Variants in IL12RB1 observed in about 807,000 individuals in gnomAD.
IL12RB1 encodes the protein interleukin-12 receptor subunit beta-1.
IL12RB1 carries 64 observed loss-of-function variants against 94.4 expected under a neutral mutation model. The ratio of observed to expected loss-of-function variants is 0.68; its 90% CI spans 0.55 to 0.83. The LOEUF is 0.83. IL12RB1 is among the 40% of genes least tolerant of loss of function. The probability of loss-of-function intolerance (pLI) is 0.00; values close to 1 mark genes in which losing one functional copy is unlikely to be tolerated. For synonymous variants in IL12RB1, 362 were observed against 355.5 expected (o/e 1.02, Z -0.21); for missense variants, 814 against 855.6 (o/e 0.95, Z 0.61).
chr19:18,077,800 T>C (rs2035596742), intron 4 of IL12RB1, 145 bp from the exon 5 acceptor site: 1 of 698,286 alleles, frequency 1.4e-6, no homozygotes, highest in Admixed American at 2.0e-5. Flanking sequence ...AAGCCTGGTA[T>C]ATTATGATCA....
Position 18,062,274 on chromosome 19 carries a change from A to G in IL12RB1, c.1622T>C (p.Val541Ala). The change falls in exon 14 of 17, where the codon GTG becomes GCG. Residue 541 changes from valine (V) to alanine (A), a missense_variant. Transcript: ENST00000593993. ...WSQPQRFSIEVQVSDWLIFFA... is the reference protein window; with the variant it reads ...WSQPQRFSIEAQVSDWLIFFA... ...GAAGATGAGCCAATCAGAAACCTGC[A>G]CTTCTGAGGTGGGAGAGCGTGGGTT... The G allele has an allele frequency of 1.9e-6, 3 of 1,606,058 alleles. No homozygotes were observed. Among genetic ancestry groups the G allele is most frequent in the Non-Finnish European group, 2.6e-6 (3 of 1,173,792 alleles).
upstream of IL12RB1, among the ~76,000 whole-genome samples, chr19:18,091,052 G>C (rs190924820): frequency 6.6e-6 from 1 of 152,084 alleles, no homozygotes; most frequent in Non-Finnish European, 1.5e-5. Context: ...CTGGGGCCTC[G>C]AGCGCCAGGC....
Position 18,062,245 on chromosome 19 carries a change from C to G in IL12RB1, c.1651G>C (p.Ala551Pro). Residue 551 changes from alanine (A) to proline (P), a missense_variant, in exon 14 of 17, where the codon GCC (alanine) becomes CCC (proline). Coordinates refer to ENST00000593993, the MANE Select transcript of IL12RB1 (RefSeq NM_005535.3). ...VQVSDWLIFF[A>P]SLGSFLSILL... ...ATGCTCAGGAAGCTCCCCAGGGAGGCGAAGAAGATGAGCCAATCAGAAACC... is the reference window on the plus strand; with the variant it reads ...ATGCTCAGGAAGCTCCCCAGGGAGGGGAAGAAGATGAGCCAATCAGAAACC... 1 of 1,612,672 alleles carries G rather than the reference C, an allele frequency of 6.2e-7. No individual in the cohort carries two copies. The highest frequency in any genetic ancestry group is 8.5e-7 in the Non-Finnish European group (1 of 1,179,276).
At position 18,082,153 on chromosome 19, in the gene IL12RB1, C is replaced by T. The variant is rs370818889; in HGVS notation, c.236G>A (p.Cys79Tyr). ...PTAGVSHFLRCCLSSGRCCYF... is the reference protein window; with the variant it reads ...PTAGVSHFLRYCLSSGRCCYF... Reference sequence around the variant, plus strand: ...GGAATGGTAGAGGGGTCCTCACCAACACCGCAGGAAGTGGCTGACCCCAGC... The same window carrying T: ...GGAATGGTAGAGGGGTCCTCACCAATACCGCAGGAAGTGGCTGACCCCAGC... Residue 79 changes from cysteine (C) to tyrosine (Y), a missense_variant, in exon 3 of 17, where the codon TGT becomes TAT. Transcript: ENST00000593993. The T allele has an allele frequency of 3.1e-6, 5 of 1,598,994 alleles. No homozygotes were observed. Among genetic ancestry groups the T allele is most frequent in the Non-Finnish European group, 4.3e-6 (5 of 1,166,598 alleles).
At chr19:18,060,813 C>T (rs996612705) in intron 15 of IL12RB1, among the ~76,000 whole-genome samples, 1 of 152,140 alleles carries the variant, frequency 6.6e-6, no homozygotes, top group Admixed American at 6.6e-5. Flanking sequence ...CTCAGCCTGC[C>T]TGCGGAAGAA....
chr19:18,093,706 T>C (rs955228226), intron 1 of IL12RB1, among the ~76,000 whole-genome samples: 1 of 152,158 alleles, frequency 6.6e-6, no homozygotes, highest in Non-Finnish European at 1.5e-5. Context: ...GAGTCACATG[T>C]CCACCCCAGG....
chr19:18,076,702 C>T (rs1046373215), intron 5 of IL12RB1, among the ~76,000 whole-genome samples: 6 of 152,070 alleles, frequency 3.9e-5, no homozygotes, highest in African/African-American at 9.6e-5. Flanking sequence ...CACCGCACCT[C>T]GCTAAATTTT....
Position 18,069,734 on chromosome 19 carries a change from C to T in IL12RB1, c.1022-21G>A, listed in dbSNP as rs145601417. ...TGGTTCTGGAAGGAGAGGGGAGAGA[C>T]GCATCGAGACAGTTGCCATCTCTCT... On this transcript the variant is annotated intron_variant, in intron 9 of 16. Transcript: ENST00000593993. 7.8e-5 allele frequency: 123 copies of T among 1,580,900 alleles called. No individual in the cohort carries two copies. The African/African-American group carries it at 1.5e-3, about 19-fold the overall frequency.
At chr19:18,062,318 G>T in intron 13 of IL12RB1, 41 bp from the exon 14 acceptor site, 3 of 1,266,584 alleles carry the variant, frequency 2.4e-6, no homozygotes, top group Non-Finnish European at 3.4e-6. Flanking sequence ...GCTACCTCCT[G>T]CCTCTTCCTC....
At chr19:18,067,885 G>A (rs1003419458) in intron 11 of IL12RB1, among the ~76,000 whole-genome samples, 7 of 152,002 alleles carry the variant, frequency 4.6e-5, no homozygotes, top group Admixed American at 1.3e-4. Context: ...CTGTAGAGAC[G>A]GGGTCTTGCT....
chr19:18,064,002 C>T lies in IL12RB1; in HGVS notation c.1492G>A (p.Val498Met), dbSNP rs374771268. 13 of 1,611,726 alleles carry T rather than the reference C, an allele frequency of 8.1e-6. No individual in the cohort carries two copies. Among genetic ancestry groups the T allele is most frequent in the African/African-American group, 1.3e-5 (1 of 74,840 alleles). The change falls in exon 13 of 17, where the codon GTG becomes ATG. Residue 498 changes from valine to methionine, a missense_variant. Transcript: ENST00000593993. ...EDSKQVSEHP[V>M]QPTETQVTLS... Reference sequence around the variant, plus strand: ...GTAACTTGGGTCTCTGTGGGCTGCACGGGATGCTCTGCAGTGGGAGAGGCA... The same window carrying T: ...GTAACTTGGGTCTCTGTGGGCTGCATGGGATGCTCTGCAGTGGGAGAGGCA...
At chr19:18,067,956 A>G (rs2034711882) in intron 11 of IL12RB1, among the ~76,000 whole-genome samples, 1 of 151,430 alleles carries the variant, frequency 6.6e-6, no homozygotes, top group South Asian at 2.1e-4. Context: ...TCAGCCTCCC[A>G]AAGTGCCAAA....
upstream of IL12RB1, among the ~76,000 whole-genome samples, chr19:18,089,801 G>T (rs2036551929): frequency 6.6e-6 from 1 of 152,244 alleles, no homozygotes; most frequent in Non-Finnish European, 1.5e-5. Flanking sequence ...TCAGCTTCCT[G>T]GGAGGAGGTC....
intron 10 of IL12RB1, 63 bp from the exon 11 acceptor site, chr19:18,068,589 A>G: frequency 7.1e-7 from 1 of 1,414,774 alleles, no homozygotes; most frequent in Non-Finnish European, 1.0e-6. Flanking sequence ...GCACCTTTGC[A>G]CTGGCTGTGC....
intron 4 of IL12RB1, among the ~76,000 whole-genome samples, chr19:18,080,205 A>C (rs1198973116): frequency 1.3e-5 from 2 of 151,406 alleles, no homozygotes; most frequent in Admixed American, 1.3e-4. Context: ...GCAGGCATGC[A>C]CCACCACACC....
At chr19:18,066,296 G>A (rs1481625232) in intron 12 of IL12RB1, among the ~76,000 whole-genome samples, 5 of 151,956 alleles carry the variant, frequency 3.3e-5, no homozygotes, top group African/African-American at 1.2e-4. Flanking sequence ...TAGGAGAGAC[G>A]GGGTTTCTCC....
intron 9 of IL12RB1, among the ~76,000 whole-genome samples, chr19:18,070,202 AAT>A (rs1332114689): frequency 6.6e-6 from 1 of 152,138 alleles, no homozygotes; most frequent in African/African-American, 2.4e-5. Context: ...TTACAGGCAT[AAT>A]CCGCCGCATC....
Position 18,070,521 on chromosome 19 carries a change from G to A in IL12RB1, c.1022-808C>T, listed in dbSNP as rs895347240. On this transcript the variant is annotated intron_variant, in intron 9 of 16. Transcript: ENST00000593993. The stretch of plus-strand genomic sequence containing the variant: ...CTCTCCCACTCCCTCCCGCCAGGGC[G>A]TCTTCATGAATGTCAGAGAGATGGA... 1.3e-5 allele frequency: 13 copies of A among 985,196 alleles called. No homozygotes were observed. The East Asian group carries it at 5.7e-4, about 43-fold the overall frequency. 61.0% of individuals were successfully genotyped at this position (985,196 alleles called of 1,614,324 possible). A position where few individuals can be genotyped will look rare whatever the true frequency, so the allele number is the denominator to read the frequency against.
In IL12RB1 at chr19:18,070,541, G is replaced by T. The variant is rs1599489735; in HGVS notation, c.1022-828C>A. The T allele has an allele frequency of 5.1e-6, 5 of 985,356 alleles. No homozygotes were observed. In the African/African-American group the frequency reaches 8.7e-5, roughly 17 times the overall value. 61.0% of individuals were successfully genotyped at this position (985,356 alleles called of 1,614,324 possible). The stretch of plus-strand genomic sequence containing the variant: ...AGGGCGTCTTCATGAATGTCAGAGA[G>T]ATGGATACTGCTTGCAATTCTGGGG... On this transcript the variant is annotated intron_variant, in intron 9 of 16. Transcript: ENST00000593993.
Sources: gnomAD v4.1 joint callset for allele counts (sites outside exome capture counted in the v4.1 genomes callset) on GRCh38, gnomAD v4.1.1 for gene constraint, MANE v1.5 for transcripts, NCBI Gene and HGNC (gene_info 2026-07-23, HGNC 2026-07-21) for gene names.